Variants in SLC35F3 observed in about 807,000 individuals in gnomAD.
SLC35F3 encodes solute carrier family 35 member F3.
In SLC35F3, 25 loss-of-function variants were observed where a neutral mutation model predicts 49.9. The observed-to-expected ratio is 0.50, with a 90% CI of 0.37 to 0.70. SLC35F3 has a LOEUF of 0.70. Among genes scored for constraint, SLC35F3 ranks in the 30% least tolerant of loss-of-function variants. SLC35F3 has a pLI of 0.00. For synonymous variants in SLC35F3, 275 were observed against 265.4 expected (o/e 1.04, Z -0.35); for missense variants, 525 against 639.8 (o/e 0.82, Z 1.94).
intron 2 of SLC35F3, among the ~76,000 whole-genome samples, chr1:234,039,900 A>C (rs530117955): frequency 2.8e-4 from 42 of 152,300 alleles, no homozygotes; most frequent in Admixed American, 2.2e-3. Context: ...ATCCACAGAC[A>C]GCAATGTGTT....
At chr1:234,192,260 A>C (rs1666742480) in intron 2 of SLC35F3, among the ~76,000 whole-genome samples, 1 of 152,246 alleles carries the variant, frequency 6.6e-6, no homozygotes, top group Non-Finnish European at 1.5e-5. Flanking sequence ...ACCATAATCA[A>C]GTGGGTTTCA....
intron 2 of SLC35F3, among the ~76,000 whole-genome samples, chr1:234,091,453 C>A (rs959530643): frequency 6.6e-6 from 1 of 152,180 alleles, no homozygotes. Flanking sequence ...AGGAGGGGAA[C>A]CCTTGGAGGA....
intron 2 of SLC35F3, among the ~76,000 whole-genome samples, chr1:233,922,736 G>T (rs1054383276): frequency 2.0e-5 from 3 of 152,144 alleles, no homozygotes; most frequent in African/African-American, 7.2e-5. Context: ...CCCATGTCAT[G>T]AATGGTATTG....
In SLC35F3 at chr1:234,320,056, G is replaced by A; in HGVS notation, c.1148-42G>A. On this transcript the variant is annotated intron_variant, in intron 6 of 7. Transcript: ENST00000366618. The surrounding 1 kb of genome is among the most constrained non-coding windows in gnomAD (Gnocchi z 4.8). ...GGCCAGCAGGGAGGTAAAGTACACA[G>A]CAGTCATGAATAACACTCGTTGTTT... 2 of 1,380,964 alleles carry A rather than the reference G, an allele frequency of 1.4e-6. No individual in the cohort carries two copies. Among genetic ancestry groups the A allele is most frequent in the South Asian group, 1.2e-5 (1 of 86,320 alleles). 85.5% of individuals were successfully genotyped at this position (1,380,964 alleles called of 1,614,324 possible).
chr1:233,913,041 T>G lies in SLC35F3; in HGVS notation c.283+7283T>G, dbSNP rs1661908521. On this transcript the variant is annotated intron_variant, in intron 2 of 7. Coordinates refer to ENST00000366618, the MANE Select transcript of SLC35F3 (RefSeq NM_173508.4). ...TGCCCTAAAAGCTTACTTACTGGAG[T>G]AGGTAAAATCTGAAGTGTTTATATG... Among the ~76,000 whole-genome samples, 3 of 152,198 alleles carry G rather than the reference T, an allele frequency of 2.0e-5. No homozygotes were observed. The South Asian group carries it at 6.2e-4, about 32-fold the overall frequency.
At chr1:234,106,609 G>T (rs1393516267) in intron 2 of SLC35F3, among the ~76,000 whole-genome samples, 3 of 152,128 alleles carry the variant, frequency 2.0e-5, no homozygotes, top group African/African-American at 7.2e-5. Flanking sequence ...ATTAGATAGG[G>T]CCCCATCTCA....
intron 2 of SLC35F3, among the ~76,000 whole-genome samples, chr1:234,053,978 C>G (rs1000842000): frequency 2.0e-5 from 3 of 152,196 alleles, no homozygotes; most frequent in African/African-American, 7.2e-5. Flanking sequence ...CCCCCACTCT[C>G]TTCTGGCTTG....
In SLC35F3 at chr1:233,971,949, C is replaced by T. The variant is rs555422155; in HGVS notation, c.283+66191C>T. On this transcript the variant is annotated intron_variant, in intron 2 of 7. Transcript: ENST00000366618. The stretch of plus-strand genomic sequence containing the variant: ...CGCTGCCCGAGAGCTCAGCCTACAG[C>T]GTGCTGGCCTGCACAATGCCTCAAC... 2.6e-4 allele frequency among the ~76,000 whole-genome samples: 39 copies of T among 152,366 alleles called. 1 individual carries two copies. The Middle Eastern group carries it at 0.01, about 40-fold the overall frequency.
At chr1:233,955,041 A>G (rs955623460) in intron 2 of SLC35F3, among the ~76,000 whole-genome samples, 2 of 151,896 alleles carry the variant, frequency 1.3e-5, no homozygotes, top group African/African-American at 4.8e-5. Context: ...ATGGGGTTTC[A>G]CCATGTTGCC....
At chr1:234,208,377 C>T (rs1667005496) in intron 2 of SLC35F3, among the ~76,000 whole-genome samples, 1 of 152,162 alleles carries the variant, frequency 6.6e-6, no homozygotes, top group African/African-American at 2.4e-5. Context: ...CAACAAGAGG[C>T]TATTTGTACA....
intron 4 of SLC35F3, among the ~76,000 whole-genome samples, chr1:234,310,385 G>A (rs1035265238): frequency 4.6e-5 from 7 of 152,118 alleles, no homozygotes; most frequent in African/African-American, 1.7e-4. Context: ...ACCCACCTAA[G>A]TTACCCAAAC....
chr1:234,191,246 C>T (rs1666726054), intron 2 of SLC35F3, among the ~76,000 whole-genome samples: 1 of 152,154 alleles, frequency 6.6e-6, no homozygotes, highest in Admixed American at 6.5e-5. Flanking sequence ...ATGTCAAGTA[C>T]TCTCTCAGAC....
At chr1:234,031,149 C>G (rs1056051150) in intron 2 of SLC35F3, among the ~76,000 whole-genome samples, 8 of 152,198 alleles carry the variant, frequency 5.3e-5, no homozygotes, top group African/African-American at 1.9e-4. Flanking sequence ...CTCTCTTGCT[C>G]CAGATGAGCT....
intron 3 of SLC35F3, among the ~76,000 whole-genome samples, chr1:234,247,618 A>G (rs1367247630): frequency 2.2e-5 from 3 of 135,512 alleles, no homozygotes; most frequent in Admixed American, 7.3e-5. Context: ...TCTATTGTTC[A>G]GTAGGTTGGT....
intron 3 of SLC35F3, among the ~76,000 whole-genome samples, chr1:234,258,575 C>G (rs1392852644): frequency 1.3e-5 from 2 of 152,234 alleles, no homozygotes; most frequent in African/African-American, 4.8e-5. Context: ...GCAGTTCCAT[C>G]CTGAACAAGG....
intron 2 of SLC35F3, among the ~76,000 whole-genome samples, chr1:233,981,421 A>G (rs958600040): frequency 6.6e-6 from 1 of 152,148 alleles, no homozygotes; most frequent in South Asian, 2.1e-4. Context: ...GTATAATCTC[A>G]TCTTCTGAGA....
intron 2 of SLC35F3, among the ~76,000 whole-genome samples, chr1:234,047,523 T>A (rs768323302): frequency 2.0e-5 from 3 of 152,214 alleles, no homozygotes; most frequent in Non-Finnish European, 4.4e-5. Context: ...TAAAATTGAA[T>A]CATTGGTTCT....
At chr1:234,069,263 T>A (rs1419258838) in intron 2 of SLC35F3, among the ~76,000 whole-genome samples, 2 of 16,598 alleles carry the variant, frequency 1.2e-4, no homozygotes, top group African/African-American at 8.3e-4. Context: ...ATAAAATACA[T>A]TTTTTTTTTT....
chr1:234,127,553 G>C (rs1665667173), intron 2 of SLC35F3, among the ~76,000 whole-genome samples: 1 of 152,128 alleles, frequency 6.6e-6, no homozygotes, highest in Admixed American at 6.5e-5. Context: ...AGCTCAAGGG[G>C]CAGATGTTCC....
Sources: allele counts gnomAD v4.1 joint callset (sites outside exome capture counted in the v4.1 genomes callset), GRCh38; gene constraint gnomAD v4.1.1; non-coding constraint Gnocchi (gnomAD v3.1); transcripts MANE v1.5; gene names NCBI Gene and HGNC (gene_info 2026-07-23, HGNC 2026-07-21).